The following TCOF1 variants were observed in gnomAD, a reference collection of about 807,000 sequenced individuals.
TCOF1 encodes the protein treacle ribosome biogenesis factor 1, also known as treacle protein.
A neutral mutation model predicts 149.0 loss-of-function variants in TCOF1; 33 were observed. The observed-to-expected ratio is 0.22, with a 90% CI of 0.17 to 0.30. TCOF1 has a LOEUF of 0.30. TCOF1 is among the 10% of genes least tolerant of loss of function. The probability of loss-of-function intolerance (pLI) is 1.00; values close to 1 mark genes in which losing one functional copy is unlikely to be tolerated. For synonymous variants in TCOF1, 789 were observed against 738.8 expected (o/e 1.07, Z -1.10); for missense variants, 1,728 against 1,840.7 (o/e 0.94, Z 1.12).
chr5:150,368,137 C>A, intron 4 of TCOF1: 1 of 549,456 alleles, frequency 1.8e-6, no homozygotes, highest in South Asian at 2.0e-5. Flanking sequence ...CAGTGGGCCA[C>A]TGGGCACATT....
chr5:150,376,034 A>G, intron 12 of TCOF1, 48 bp from the exon 13 acceptor site: 1 of 1,613,004 alleles, frequency 6.2e-7, no homozygotes, highest in Non-Finnish European at 8.5e-7. Context: ...CAGATGGGGG[A>G]CTCTGAGTTC....
chr5:150,378,698 C>G (rs1203297485), intron 14 of TCOF1: 2 of 638,326 alleles, frequency 3.1e-6, no homozygotes, highest in African/African-American at 3.7e-5. Context: ...TTCATCATAA[C>G]CCGTAGGTGG....
At chr5:150,359,044 A>T (rs963197476) in intron 1 of TCOF1, among the ~76,000 whole-genome samples, 81 of 150,838 alleles carry the variant, frequency 5.4e-4, no homozygotes, top group African/African-American at 1.6e-3. Flanking sequence ...TCAAAAAAAA[A>T]TTTTTTTTAA....
chr5:150,379,964 C>T lies in TCOF1; in HGVS notation c.2859+232C>T, dbSNP rs1581144733. The T allele has an allele frequency of 1.2e-5, 6 of 487,254 alleles. No homozygotes were observed. In the East Asian group the frequency reaches 2.2e-4, roughly 18 times the overall value. 30.2% of individuals were successfully genotyped at this position (487,254 alleles called of 1,614,324 possible). Reference sequence around the variant, plus strand: ...GCGGGTGCCTGTAATCCCAGCTACTCGGGAGGCTGAGGCAGGAGAATCCCT... The same window carrying T: ...GCGGGTGCCTGTAATCCCAGCTACTTGGGAGGCTGAGGCAGGAGAATCCCT... On this transcript the variant is annotated intron_variant, in intron 17 of 26. Coordinates refer to ENST00000643257, the MANE Select transcript of TCOF1 (RefSeq NM_001371623.1).
In TCOF1 at chr5:150,396,370, G is replaced by C; in HGVS notation, c.3873G>C (p.Ala1291=). The change falls in exon 24 of 27, where the codon GCG becomes GCC. Residue 1291 remains alanine, a synonymous_variant. Coordinates refer to ENST00000643257, the MANE Select transcript of TCOF1 (RefSeq NM_001371623.1). The part of the protein sequence containing the change: ...GAGNPQASTL[A]LQSNITQCLL... ...GGAACCCCCAAGCCTCAACCCTGGCGCTGCAAAGCAACATCACCCAGTGCC... is the reference window on the plus strand; with the variant it reads ...GGAACCCCCAAGCCTCAACCCTGGCCCTGCAAAGCAACATCACCCAGTGCC... 6.2e-7 allele frequency: 1 copy of C among 1,613,940 alleles called. No individual in the cohort carries two copies. Among genetic ancestry groups the C allele is most frequent in the Non-Finnish European group, 8.5e-7 (1 of 1,180,036 alleles).
chr5:150,393,042 G>A, intron 22 of TCOF1: 1 of 597,504 alleles, frequency 1.7e-6, no homozygotes, highest in Non-Finnish European at 3.0e-6. Context: ...TTGATTCTGG[G>A]TGATGTCCGG....
chr5:150,364,283 A>G (rs778705409), intron 3 of TCOF1, 31 bp downstream of exon 3: 13 of 1,613,442 alleles, frequency 8.1e-6, no homozygotes, highest in Admixed American at 5.0e-5. Context: ...GGAACAGGCT[A>G]TGGAATATTG....
At chr5:150,358,166 T>C (rs1759090948) in intron 1 of TCOF1, among the ~76,000 whole-genome samples, 1 of 152,026 alleles carries the variant, frequency 6.6e-6, no homozygotes, top group Non-Finnish European at 1.5e-5. Context: ...TTAAGTTTCC[T>C]AAGTCTCCCG....
At chr5:150,370,523 T>C (rs1235697683) in intron 6 of TCOF1, among the ~76,000 whole-genome samples, 1 of 151,956 alleles carries the variant, frequency 6.6e-6, no homozygotes, top group Non-Finnish European at 1.5e-5. Flanking sequence ...GCCTGGCTAA[T>C]TTTTGTATTT....
rs575533972 is a variant in TCOF1 at position 150,393,771 on chromosome 5, T to C, written c.3784+219T>C. The C allele has an allele frequency of 2.2e-4, 133 of 617,294 alleles. 2 individuals carry two copies. Among genetic ancestry groups the C allele is most frequent in the South Asian group, 2.1e-3 (111 of 51,680 alleles). 38.2% of individuals were successfully genotyped at this position (617,294 alleles called of 1,614,324 possible). On this transcript the variant is annotated intron_variant, in intron 23 of 26. Transcript: ENST00000643257. ...GCTCATGCCCATAATCCCAGCACTT[T>C]GGGAGGCCGAGGTGGGCAGATTGCT...
chr5:150,369,449 T>C lies in TCOF1; in HGVS notation c.566-80T>C. On this transcript the variant is annotated intron_variant, in intron 5 of 26. Transcript: ENST00000643257. ...TCAGCACCTGGCTTTGATGAGCAGC[T>C]GGTTTGTGGGGAGGTGCTGGGGAGG... 3 of 1,541,264 alleles carry C rather than the reference T, an allele frequency of 1.9e-6. No individual in the cohort carries two copies. The South Asian group carries it at 3.3e-5, about 17-fold the overall frequency.
intron 9 of TCOF1, 34 bp downstream of exon 9, chr5:150,374,845 A>G: frequency 1.2e-6 from 2 of 1,604,748 alleles, no homozygotes; most frequent in Non-Finnish European, 1.7e-6. Flanking sequence ...GAGTAGCCCC[A>G]TGCCTAAACC....
At position 150,375,112 on chromosome 5, in the gene TCOF1, CGAGGAGTCAGACAGTGACAGA is replaced by C; in HGVS notation, c.1442_1462del (p.Glu481_Glu487del). The C allele has an allele frequency of 6.2e-7, 1 of 1,613,486 alleles. No individual in the cohort carries two copies. The highest frequency in any genetic ancestry group is 1.1e-5 in the South Asian group (1 of 91,044). ...AGGAGGAGGACTCAAGAAGCAGCAG[CGAGGAGTCAGACAGTGACAGA>C]GAGGCACTGGCAGCCATGAATGCAG... On this transcript the variant is annotated inframe_deletion, in exon 10 of 27. Transcript: ENST00000643257.
chr5:150,374,898 C>T, intron 9 of TCOF1, 56 bp from the exon 10 acceptor site: 3 of 1,609,710 alleles, frequency 1.9e-6, no homozygotes, highest in Non-Finnish European at 2.5e-6. Context: ...ACATCCAGCT[C>T]CTGTCTCCAC....
At chr5:150,360,374 T>G (rs372580525) in intron 1 of TCOF1, among the ~76,000 whole-genome samples, 24 of 152,326 alleles carry the variant, frequency 1.6e-4, no homozygotes, top group Admixed American at 1.1e-3. Context: ...ACCAAGGGAC[T>G]GGTACCATTT....
intron 1 of TCOF1, 35 bp downstream of exon 1, chr5:150,357,889 G>A: frequency 1.3e-6 from 2 of 1,542,738 alleles, no homozygotes; most frequent in Non-Finnish European, 1.8e-6. Context: ...AGGGCCGCGT[G>A]CAAGATGTGG....
At position 150,357,900 on chromosome 5, in the gene TCOF1, A is replaced by G. The variant is rs377623645; in HGVS notation, c.108+46A>G. The stretch of plus-strand genomic sequence containing the variant: ...TGCGAGGGCCGCGTGCAAGATGTGG[A>G]GATCAGCGGCCCGCGGCCCGCGCCC... On this transcript the variant is annotated intron_variant, in intron 1 of 26. Transcript: ENST00000643257. 26 of 1,535,356 alleles carry G rather than the reference A, an allele frequency of 1.7e-5. 1 individual carries two copies. Among genetic ancestry groups the G allele is most frequent in the Non-Finnish European group, 3.5e-6 (4 of 1,138,314 alleles).
rs369582082 is a variant in TCOF1 at position 150,376,321 on chromosome 5, C to T, written c.2133C>T (p.Thr711=). The change falls in exon 13 of 27, where the codon ACC becomes ACT. Residue 711 remains threonine (T), a synonymous_variant. Coordinates refer to ENST00000643257, the MANE Select transcript of TCOF1 (RefSeq NM_001371623.1). ...SEEEKTGLAV[T]VGQAKSVGKG... is the part of the protein sequence containing the mutation. ...AAGAGAAGACAGGTCTTGCAGTAAC[C>T]GTGGGACAGGTGAGGCCTGTGTTTT... 2.1e-5 allele frequency: 34 copies of T among 1,613,884 alleles called. No individual in the cohort carries two copies. In the East Asian group the frequency reaches 2.2e-4, roughly 11 times the overall value.
intron 7 of TCOF1, among the ~76,000 whole-genome samples, chr5:150,372,581 C>G (rs1211739495): frequency 6.6e-6 from 1 of 152,246 alleles, no homozygotes; most frequent in East Asian, 1.9e-4. Flanking sequence ...GAATCCAGTT[C>G]CCTTCCCCAT....
Sources: allele counts gnomAD v4.1 joint callset (sites outside exome capture counted in the v4.1 genomes callset), GRCh38; gene constraint gnomAD v4.1.1; transcripts MANE v1.5; gene names NCBI Gene and HGNC (gene_info 2026-07-23, HGNC 2026-07-21).